EDAR: variants seen among roughly 807,000 people sequenced by gnomAD.
The protein encoded by EDAR is tumor necrosis factor receptor superfamily member EDAR.
A neutral mutation model predicts 51.3 loss-of-function variants in EDAR; 38 were observed. The observed-to-expected ratio is 0.74, with a 90% CI of 0.57 to 0.97. The LOEUF (loss-of-function observed/expected upper bound fraction) is 0.97. Among genes scored for constraint, EDAR ranks in the 50% least tolerant of loss-of-function variants. The pLI is 0.00. For missense variants in EDAR, 528 were observed against 595.0 expected, an observed-to-expected ratio of 0.89 and a Z score of 1.17; for synonymous variants, 227 against 242.1, an observed-to-expected ratio of 0.94 and a Z score of 0.58.
intron 9 of EDAR, 87 bp from the exon 10 acceptor site, chr2:108,908,106 C>T (rs769228194): frequency 1.0e-5 from 15 of 1,434,706 alleles, no homozygotes; most frequent in Non-Finnish European, 1.3e-5. Flanking sequence ...TGTCCATTGC[C>T]CAGCTGTGGA....
rs571617856 is a variant in EDAR, at chr2:108,913,151, A to G, written c.443-387T>C. ...TTTTTAGTAGAGACGGGGTTTCACC[A>G]TGTTAGCCAGGATGGGCTCGATCTC... On this transcript the variant is annotated intron_variant, in intron 5 of 11. Coordinates refer to ENST00000258443, the MANE Select transcript of EDAR (RefSeq NM_022336.4). Among the ~76,000 whole-genome samples the G allele has an allele frequency of 1.7e-4, 26 of 152,132 alleles. No individual in the cohort carries two copies. The East Asian group carries it at 1.9e-3, about 11-fold the overall frequency.
chr2:108,911,416 G>T (rs260629), intron 6 of EDAR, among the ~76,000 whole-genome samples: 138,645 of 152,130 alleles, frequency 0.91, 63,245 homozygotes, highest in East Asian at 1. Flanking sequence ...AACAAGAGTG[G>T]CTGGAAGGCA....
chr2:108,974,367 A>G (rs1166324318), intron 1 of EDAR, among the ~76,000 whole-genome samples: 1 of 146,900 alleles, frequency 6.8e-6, no homozygotes, highest in Non-Finnish European at 1.5e-5. Flanking sequence ...AATGCCACAT[A>G]TTGACTGTGT....
At chr2:108,906,032 C>T (rs957237416) in intron 11 of EDAR, among the ~76,000 whole-genome samples, 3 of 146,296 alleles carry the variant, frequency 2.1e-5, no homozygotes, top group Non-Finnish European at 2.9e-5. Context: ...TGCTCACCGA[C>T]CCTGCGTTTC....
chr2:108,957,956 C>A (rs563174481), intron 1 of EDAR, among the ~76,000 whole-genome samples: 1 of 152,108 alleles, frequency 6.6e-6, no homozygotes, highest in Admixed American at 6.5e-5. Flanking sequence ...ACAGTTCCTG[C>A]AGAAAATGAA....
chr2:108,913,139 C>T (rs531818027), intron 5 of EDAR, among the ~76,000 whole-genome samples: 6 of 152,058 alleles, frequency 3.9e-5, no homozygotes, highest in South Asian at 2.1e-4. Flanking sequence ...TTAGTAGAGA[C>T]GGGGTTTCAC....
At chr2:108,948,696 G>C (rs1195634931) in intron 1 of EDAR, among the ~76,000 whole-genome samples, 3 of 152,114 alleles carry the variant, frequency 2.0e-5, no homozygotes, top group Non-Finnish European at 4.4e-5. Flanking sequence ...TCAATATCAT[G>C]AGAACAACAT....
At position 108,912,948 on chromosome 2, in the gene EDAR, C is replaced by CT. The variant is rs373117728; in HGVS notation, c.443-185dup. ...ACCCTAAAGAGTCATCGTTATTGTT[C>CT]TTTTTTTTTTTTTTTGGTGAGACGG... is the stretch of plus-strand genomic sequence containing the variant. On this transcript the variant is annotated intron_variant, in intron 5 of 11. Coordinates refer to ENST00000258443, the MANE Select transcript of EDAR (RefSeq NM_022336.4). 0.1 allele frequency among the ~76,000 whole-genome samples: 14,546 copies of CT among 139,088 alleles called. 971 individuals carry two copies. Among genetic ancestry groups the CT allele is most frequent in the African/African-American group, 0.19 (7,004 of 37,752 alleles). 91.2% of individuals were successfully genotyped at this position (139,088 alleles called of 152,430 possible).
intron 1 of EDAR, among the ~76,000 whole-genome samples, chr2:108,939,644 G>A (rs1055764611): frequency 8.5e-5 from 13 of 152,164 alleles, no homozygotes; most frequent in Non-Finnish European, 1.9e-4. Flanking sequence ...TCCCCTGTAA[G>A]GCCATTGCTA....
At chr2:108,899,315 G>T in intron 11 of EDAR, among the ~76,000 whole-genome samples, 1 of 152,220 alleles carries the variant, frequency 6.6e-6, no homozygotes, top group Admixed American at 6.5e-5. Context: ...TTGCATACCA[G>T]GTTGCAGTGA....
At chr2:108,923,304 C>A in intron 5 of EDAR, 64 bp downstream of exon 5, 1 of 1,501,458 alleles carries the variant, frequency 6.7e-7, no homozygotes, top group South Asian at 1.1e-5. Flanking sequence ...TTCCTACACC[C>A]TCTGTAGTGA....
At chr2:108,962,629 C>T (rs1450160952) in intron 1 of EDAR, among the ~76,000 whole-genome samples, 5 of 141,710 alleles carry the variant, frequency 3.5e-5, no homozygotes, top group African/African-American at 7.9e-5. Context: ...GAGCCGAGAT[C>T]GCTCCACTGC....
chr2:108,943,160 G>A (rs1463056637), intron 1 of EDAR, among the ~76,000 whole-genome samples: 4 of 152,092 alleles, frequency 2.6e-5, no homozygotes, highest in Admixed American at 2.6e-4. Flanking sequence ...TTGTTCTACC[G>A]GTTTGAAAGA....
chr2:108,977,399 G>A (rs1191739294), intron 1 of EDAR, among the ~76,000 whole-genome samples: 2 of 152,156 alleles, frequency 1.3e-5, no homozygotes, highest in Non-Finnish European at 2.9e-5. Context: ...CTCCCAAGTA[G>A]CTGGGACTAC....
intron 1 of EDAR, among the ~76,000 whole-genome samples, chr2:108,938,211 C>T (rs1385948300): frequency 2.0e-5 from 3 of 152,138 alleles, no homozygotes; most frequent in Non-Finnish European, 4.4e-5. Context: ...CAACTTTTTC[C>T]GCTAGTCTTT....
At chr2:108,913,062 T>C (rs973660103) in intron 5 of EDAR, among the ~76,000 whole-genome samples, 3 of 151,688 alleles carry the variant, frequency 2.0e-5, no homozygotes, top group East Asian at 1.9e-4. Flanking sequence ...CATTCTCCTG[T>C]CTCAGCCTCC....
chr2:108,931,586 G>C (rs1415314576), intron 1 of EDAR, among the ~76,000 whole-genome samples: 1 of 152,212 alleles, frequency 6.6e-6, no homozygotes, highest in Non-Finnish European at 1.5e-5. Flanking sequence ...GAGAGGTTAA[G>C]TGATTTGCCC....
intron 1 of EDAR, 53 bp from the exon 2 acceptor site, chr2:108,931,085 G>T: frequency 6.7e-7 from 1 of 1,502,642 alleles, no homozygotes; most frequent in Non-Finnish European, 9.3e-7. Flanking sequence ...CCAGCCGGGG[G>T]TCTGGCTACC....
chr2:108,922,142 T>C (rs1274143453), intron 5 of EDAR, among the ~76,000 whole-genome samples: 1 of 152,254 alleles, frequency 6.6e-6, no homozygotes, highest in Admixed American at 6.5e-5. Flanking sequence ...TGAGAACTCT[T>C]GAACAGAAAA....
Sources: allele counts gnomAD v4.1 joint callset (sites outside exome capture counted in the v4.1 genomes callset), GRCh38; gene constraint gnomAD v4.1.1; transcripts MANE v1.5; gene names NCBI Gene and HGNC (gene_info 2026-07-23, HGNC 2026-07-21).